The following VPS13B variants were observed in gnomAD, a reference collection of about 807,000 sequenced individuals.
VPS13B encodes the protein intermembrane lipid transfer protein VPS13B.
Under a neutral mutation model 426.4 loss-of-function variants are expected in VPS13B, and 285 were observed. The ratio of observed to expected loss-of-function variants is 0.67; its 90% CI spans 0.61 to 0.74. The LOEUF is 0.74. VPS13B is among the 30% of genes least tolerant of loss of function. The pLI, the probability that VPS13B is intolerant of heterozygous loss-of-function variation, is 0.00. For missense variants in VPS13B, 4,537 were observed against 4,782.6 expected (o/e 0.95, Z 1.51); for synonymous variants, 1,676 against 1,676.4 (o/e 1.00, Z 0.01).
chr8:99,703,817 C>G (rs577866238), intron 36 of VPS13B, among the ~76,000 whole-genome samples: 1 of 152,214 alleles, frequency 6.6e-6, no homozygotes, highest in East Asian at 1.9e-4. Flanking sequence ...AATTATGGCT[C>G]TGTTTGGGCG....
At chr8:99,635,373 A>G (rs1829028799) in intron 33 of VPS13B, among the ~76,000 whole-genome samples, 1 of 151,958 alleles carries the variant, frequency 6.6e-6, no homozygotes, top group African/African-American at 2.4e-5. Context: ...ATAATTGGCA[A>G]AATATATTTT....
chr8:99,553,375 T>C (rs1168746616), intron 30 of VPS13B, among the ~76,000 whole-genome samples: 1 of 152,136 alleles, frequency 6.6e-6, no homozygotes, highest in Admixed American at 6.6e-5. Flanking sequence ...CTAGAAATGT[T>C]AAGGAACATT....
intron 25 of VPS13B, among the ~76,000 whole-genome samples, chr8:99,489,076 G>A (rs1295870377): frequency 6.6e-6 from 1 of 152,070 alleles, no homozygotes; most frequent in Non-Finnish European, 1.5e-5. Context: ...TTTAAGGAAG[G>A]GATCCAGTTT....
intron 30 of VPS13B, among the ~76,000 whole-genome samples, chr8:99,523,947 A>G (rs1822512685): frequency 6.6e-6 from 1 of 152,196 alleles, no homozygotes; most frequent in Non-Finnish European, 1.5e-5. Flanking sequence ...CCTTTCAGAC[A>G]GAGAATTCAA....
chr8:99,423,371 C>T (rs1346516031), intron 21 of VPS13B, among the ~76,000 whole-genome samples: 1 of 152,076 alleles, frequency 6.6e-6, no homozygotes, highest in African/African-American at 2.4e-5. Context: ...ATTCTCCTGC[C>T]TCAGCTACCT....
intron 19 of VPS13B, chr8:99,340,493 C>A: frequency 2.1e-6 from 1 of 484,122 alleles, no homozygotes; most frequent in South Asian, 1.6e-5. Context: ...GGAAGTTTTA[C>A]CAAAAGTCAC....
intron 30 of VPS13B, among the ~76,000 whole-genome samples, chr8:99,529,777 A>G (rs1822832792): frequency 6.6e-6 from 1 of 152,160 alleles, no homozygotes; most frequent in African/African-American, 2.4e-5. Context: ...TTAACAAACC[A>G]CTCTTAAACA....
intron 2 of VPS13B, among the ~76,000 whole-genome samples, chr8:99,023,273 G>T (rs1841986698): frequency 6.6e-6 from 1 of 151,270 alleles, no homozygotes; most frequent in Non-Finnish European, 1.5e-5. Context: ...CTAGTATCTA[G>T]TAACCACTGT....
intron 35 of VPS13B, chr8:99,696,809 G>C (rs907047188): frequency 7.1e-7 from 1 of 1,401,324 alleles, no homozygotes; most frequent in African/African-American, 1.4e-5. Flanking sequence ...GCTGACCCTG[G>C]ACAACCTGTC....
intron 3 of VPS13B, among the ~76,000 whole-genome samples, chr8:99,047,378 C>T (rs926435602): frequency 6.6e-6 from 1 of 152,142 alleles, no homozygotes; most frequent in African/African-American, 2.4e-5. Flanking sequence ...TGTAATATTT[C>T]CCGTTTCGTT....
At chr8:99,418,505 T>TTCTG (rs1816180953) in intron 21 of VPS13B, among the ~76,000 whole-genome samples, 1 of 147,982 alleles carries the variant, frequency 6.8e-6, no homozygotes, top group African/African-American at 2.5e-5. Context: ...CTTTCTTTCT[T>TTCTG]TCTTTCTTTC....
In VPS13B at chr8:99,501,717, C is replaced by G; in HGVS notation, c.3901C>G (p.Pro1301Ala). The G allele has an allele frequency of 6.2e-7, 1 of 1,613,982 alleles. No homozygotes were observed. The highest frequency in any genetic ancestry group is 8.5e-7 in the Non-Finnish European group (1 of 1,180,012). ...TTCTATACAAGCAGGTGAGGAATCA[C>G]CATTCTCAGATTCTGTGACCTTGGA... ...GDSIQAGEES[P>A]FSDSVTLEQT... Residue 1301 changes from proline to alanine, a missense_variant, in exon 26 of 62, where the codon CCA (proline) becomes GCA (alanine). Coordinates refer to ENST00000357162, the MANE Select transcript of VPS13B (RefSeq NM_152564.5).
At chr8:99,317,541 T>TGAATA (rs1164578689) in intron 19 of VPS13B, among the ~76,000 whole-genome samples, 1 of 152,200 alleles carries the variant, frequency 6.6e-6, no homozygotes, top group Non-Finnish European at 1.5e-5. Context: ...TGTGTAGACA[T>TGAATA]AAAATTCATT....
At chr8:99,667,001 A>T (rs935275554) in intron 35 of VPS13B, among the ~76,000 whole-genome samples, 5 of 152,078 alleles carry the variant, frequency 3.3e-5, no homozygotes, top group African/African-American at 1.2e-4. Context: ...AAATATATAT[A>T]ATTTCTGATT....
At chr8:99,545,243 A>T (rs1823906354) in intron 30 of VPS13B, among the ~76,000 whole-genome samples, 1 of 151,928 alleles carries the variant, frequency 6.6e-6, no homozygotes, top group African/African-American at 2.4e-5. Flanking sequence ...TACGTTTTTA[A>T]TTTTTCTGTA....
At position 99,853,667 on chromosome 8, in the gene VPS13B, C is replaced by G; in HGVS notation, c.10278C>G (p.Asp3426Glu). The G allele has an allele frequency of 6.2e-7, 1 of 1,614,156 alleles. No individual in the cohort carries two copies. The highest frequency in any genetic ancestry group is 8.5e-7 in the Non-Finnish European group (1 of 1,180,018). ...ACTGTGTGGAGATCTGCTGTGGGGA[C>G]CTGCAGCTAGACAACCAGCTTTATA... is the stretch of plus-strand genomic sequence containing the variant. Reference protein sequence around the residue: ...ELYCVEICCGDLQLDNQLYNK... With the variant: ...ELYCVEICCGELQLDNQLYNK... Residue 3426 changes from aspartate (D) to glutamate (E), a missense_variant, in exon 56 of 62, where the codon GAC (aspartate) becomes GAG (glutamate). Around this residue, in one of 2 missense-constraint regions of VPS13B, gnomAD observed 4,311 missense variants for 4,474.3 expected, o/e 0.96. Coordinates refer to ENST00000357162, the MANE Select transcript of VPS13B (RefSeq NM_152564.5).
chr8:99,633,836 T>TGTGTGTGTGTGTGTGTGC (rs1432874227), intron 33 of VPS13B, among the ~76,000 whole-genome samples: 11 of 151,334 alleles, frequency 7.3e-5, no homozygotes, highest in African/African-American at 1.9e-4. Context: ...TGTGTGTGTG[T>TGTGTGTGTGTGTGTGTGC]GTGCGTGTTT....
chr8:99,851,992 A>G (rs189496043), intron 55 of VPS13B, among the ~76,000 whole-genome samples: 8 of 152,314 alleles, frequency 5.3e-5, no homozygotes, highest in South Asian at 2.1e-4. Flanking sequence ...CTGATGGCTT[A>G]GACTACAGTG....
At chr8:99,777,037 C>A in intron 41 of VPS13B, 81 bp downstream of exon 41, 1 of 1,487,576 alleles carries the variant, frequency 6.7e-7, no homozygotes, top group South Asian at 1.1e-5. Flanking sequence ...GAGAAGTCAA[C>A]AATCTTAGAT....
Sources: gnomAD v4.1 joint callset for allele counts (sites outside exome capture counted in the v4.1 genomes callset) on GRCh38, gnomAD v4.1.1 for gene constraint, gnomAD v4.1.1 regional missense constraint, MANE v1.5 for transcripts, NCBI Gene and HGNC (gene_info 2026-07-23, HGNC 2026-07-21) for gene names.